The following ATP6V0E1 variants were observed in gnomAD, a reference collection of about 807,000 sequenced individuals.
The protein encoded by ATP6V0E1 is V-type proton ATPase subunit e 1.
ATP6V0E1 carries 4 observed loss-of-function variants against 11.6 expected under a neutral mutation model. The ratio of observed to expected loss-of-function variants is 0.35; its 90% CI spans 0.17 to 0.79. The LOEUF (loss-of-function observed/expected upper bound fraction) is 0.79. ATP6V0E1 is among the 30% of genes least tolerant of loss of function. The probability of loss-of-function intolerance (pLI) is 0.54; values close to 1 mark genes in which losing one functional copy is unlikely to be tolerated. For missense variants in ATP6V0E1, 105 were observed against 100.0 expected, an observed-to-expected ratio of 1.05 and a Z score of -0.21; for synonymous variants, 36 against 34.8, an observed-to-expected ratio of 1.04 and a Z score of -0.13.
At chr5:173,031,094 G>A (rs866857067) in intron 3 of ATP6V0E1, among the ~76,000 whole-genome samples, 73 of 151,978 alleles carry the variant, frequency 4.8e-4, no homozygotes, top group African/African-American at 1.6e-3. Flanking sequence ...ACAGGTGCCC[G>A]CCACCATACC....
intron 3 of ATP6V0E1, among the ~76,000 whole-genome samples, chr5:173,028,040 C>T (rs925718408): frequency 1.3e-5 from 2 of 152,094 alleles, no homozygotes; most frequent in Non-Finnish European, 2.9e-5. Context: ...CTCTGTCAAC[C>T]GGATTGACAG....
chr5:173,000,874 T>C (rs1756140944), intron 2 of ATP6V0E1, among the ~76,000 whole-genome samples: 1 of 152,092 alleles, frequency 6.6e-6, no homozygotes, highest in African/African-American at 2.4e-5. Flanking sequence ...CTATTTTTTG[T>C]ATTGTTAGTA....
At chr5:173,013,016 T>A (rs1756352139) in intron 2 of ATP6V0E1, among the ~76,000 whole-genome samples, 1 of 151,500 alleles carries the variant, frequency 6.6e-6, no homozygotes, top group African/African-American at 2.4e-5. Flanking sequence ...CTACAAAAAA[T>A]TTAAAAAATT....
Position 173,027,110 on chromosome 5 carries a change from C to T in ATP6V0E1, c.*36+6743C>T, listed in dbSNP as rs549169585. Among the ~76,000 whole-genome samples, 8 of 135,230 alleles carry T rather than the reference C, an allele frequency of 5.9e-5. No homozygotes were observed. The East Asian group carries it at 7.0e-4, about 12-fold the overall frequency. The allele number at this position is 135,230 out of a possible 152,430, so 88.7% of individuals were successfully genotyped here. ...AGGATAATGGCATGAACCTGGGAGG[C>T]GGAGCTTGCAGTTAGCAGAGATTGT... On this transcript the variant is annotated intron_variant, in intron 3 of 3. Transcript: ENST00000519374.
chr5:173,034,457 T>C lies in ATP6V0E1; in HGVS notation c.*95T>C. On this transcript the variant is annotated 3_prime_UTR_variant, in exon 4 of 4. Transcript: ENST00000519374. ...TCACCTCCAAACCAGACCACTTTTC[T>C]TGACTTGCCTGTTTTGGCCATTAGC... 2 of 702,956 alleles carry C rather than the reference T, an allele frequency of 2.8e-6. No individual in the cohort carries two copies. 43.5% of individuals were successfully genotyped at this position (702,956 alleles called of 1,614,324 possible).
chr5:173,013,019 A>T (rs919211571), intron 2 of ATP6V0E1, among the ~76,000 whole-genome samples: 4 of 151,964 alleles, frequency 2.6e-5, no homozygotes, highest in African/African-American at 9.7e-5. Flanking sequence ...CAAAAAATTT[A>T]AAAAATTAGC....
chr5:173,022,817 G>C (rs1222153837), intron 3 of ATP6V0E1, among the ~76,000 whole-genome samples: 1 of 151,926 alleles, frequency 6.6e-6, no homozygotes, highest in African/African-American at 2.4e-5. Context: ...ATTTTGAATA[G>C]AGACAAGGTC....
At chr5:173,009,873 C>A (rs1271299285) in intron 2 of ATP6V0E1, among the ~76,000 whole-genome samples, 1 of 151,598 alleles carries the variant, frequency 6.6e-6, no homozygotes, top group Non-Finnish European at 1.5e-5. Context: ...AGGCGATTCT[C>A]CTGCCTCAGC....
chr5:173,026,191 T>G (rs958769681), intron 3 of ATP6V0E1, among the ~76,000 whole-genome samples: 1 of 152,018 alleles, frequency 6.6e-6, no homozygotes, highest in Non-Finnish European at 1.5e-5. Context: ...AGACAGTGTT[T>G]CGCTTTGTTG....
intron 2 of ATP6V0E1, among the ~76,000 whole-genome samples, chr5:173,005,634 T>C (rs1445705457): frequency 6.6e-6 from 1 of 152,238 alleles, no homozygotes; most frequent in Non-Finnish European, 1.5e-5. Flanking sequence ...TTTATCTTGG[T>C]TACTTTCCTG....
intron 3 of ATP6V0E1, 40 bp downstream of exon 3, chr5:173,020,407 C>A: frequency 2.4e-6 from 3 of 1,261,358 alleles, no homozygotes; most frequent in Non-Finnish European, 3.4e-6. Context: ...TATGGTCAGG[C>A]AGTCAGAGTT....
chr5:172,998,462 T>G (rs1327922571), intron 2 of ATP6V0E1, among the ~76,000 whole-genome samples: 1 of 151,956 alleles, frequency 6.6e-6, no homozygotes. Context: ...ATTTTTAAAA[T>G]TAGCTGCGCG....
At chr5:172,998,710 G>A (rs768430440) in intron 2 of ATP6V0E1, among the ~76,000 whole-genome samples, 2 of 151,868 alleles carry the variant, frequency 1.3e-5, no homozygotes, top group Admixed American at 6.6e-5. Flanking sequence ...CTACTGAATC[G>A]CCTATGGAAA....
intron 3 of ATP6V0E1, among the ~76,000 whole-genome samples, chr5:173,026,446 G>A (rs1167969429): frequency 6.6e-6 from 1 of 152,070 alleles, no homozygotes. Context: ...GTCAAATTAT[G>A]AACAAGATAT....
chr5:173,022,469 TTTTTTG>T (rs1232882712), intron 3 of ATP6V0E1, among the ~76,000 whole-genome samples: 6 of 152,114 alleles, frequency 3.9e-5, no homozygotes, highest in South Asian at 2.1e-4. Context: ...GCTGCTGCTG[TTTTTTG>T]TTTTTGTTTT....
chr5:173,001,374 C>T (rs1202227966), intron 2 of ATP6V0E1, among the ~76,000 whole-genome samples: 1 of 152,148 alleles, frequency 6.6e-6, no homozygotes, highest in Non-Finnish European at 1.5e-5. Flanking sequence ...TCAGTTATGA[C>T]CTCAGAAGAT....
At position 173,034,560 on chromosome 5, in the gene ATP6V0E1, G is replaced by C; in HGVS notation, c.*198G>C. On this transcript the variant is annotated 3_prime_UTR_variant, in exon 4 of 4. Coordinates refer to ENST00000519374, the MANE Select transcript of ATP6V0E1 (RefSeq NM_003945.4). Reference sequence around the variant, plus strand: ...TTTTCCTTTGCCTTTTTTGCACTTTGGTGAATTACGTGCCTCCATAACCTG... The same window carrying C: ...TTTTCCTTTGCCTTTTTTGCACTTTCGTGAATTACGTGCCTCCATAACCTG... 1.5e-6 allele frequency: 1 copy of C among 670,084 alleles called. No homozygotes were observed. Among genetic ancestry groups the C allele is most frequent in the South Asian group, 1.6e-5 (1 of 64,108 alleles). 41.5% of individuals were successfully genotyped at this position (670,084 alleles called of 1,614,324 possible).
chr5:172,998,996 T>C (rs1314983425), intron 2 of ATP6V0E1, among the ~76,000 whole-genome samples: 1 of 151,874 alleles, frequency 6.6e-6, no homozygotes, highest in African/African-American at 2.4e-5. Context: ...ATTAGCCCCA[T>C]GTGGTGGCGG....
At chr5:173,012,023 C>T (rs1001980061) in intron 2 of ATP6V0E1, among the ~76,000 whole-genome samples, 1 of 150,894 alleles carries the variant, frequency 6.6e-6, no homozygotes, top group Non-Finnish European at 1.5e-5. Context: ...CCAGACTAGA[C>T]TGTTTCCTAG....
Sources: gnomAD v4.1 joint callset for allele counts (sites outside exome capture counted in the v4.1 genomes callset) on GRCh38, gnomAD v4.1.1 for gene constraint, MANE v1.5 for transcripts, NCBI Gene and HGNC (gene_info 2026-07-23, HGNC 2026-07-21) for gene names.